Variants in NDUFS1 observed in about 807,000 individuals in gnomAD.
NDUFS1 encodes the protein NADH:ubiquinone oxidoreductase core subunit S1.
NDUFS1 carries 61 observed loss-of-function variants against 84.4 expected under a neutral mutation model. The observed-to-expected ratio is 0.72, with a 90% CI of 0.59 to 0.89. The LOEUF (loss-of-function observed/expected upper bound fraction) is 0.89, where lower values mean the gene tolerates loss of function less well. Among genes scored for constraint, NDUFS1 ranks in the 40% least tolerant of loss-of-function variants. The pLI, the probability that NDUFS1 is intolerant of heterozygous loss-of-function variation, is 0.00. For synonymous variants in NDUFS1, 275 were observed against 290.0 expected, an observed-to-expected ratio of 0.95 and a Z score of 0.53; for missense variants, 891 against 890.0, an observed-to-expected ratio of 1.00 and a Z score of -0.01.
At chr2:206,157,963 CTTTT>C (rs1553509152) in intron 1 of NDUFS1, among the ~76,000 whole-genome samples, 2 of 131,854 alleles carry the variant, frequency 1.5e-5, no homozygotes, top group African/African-American at 5.8e-5. Context: ...ATTTCAATAG[CTTTT>C]TTTTTTTTTT....
At chr2:206,127,995 A>T (rs752033680) in intron 15 of NDUFS1, 23 bp from the exon 16 acceptor site, 2 of 1,612,890 alleles carry the variant, frequency 1.2e-6, no homozygotes, top group Non-Finnish European at 8.5e-7. Context: ...GGAAAATGGT[A>T]AACCAAAATT....
chr2:206,147,888 T>G (rs1363693345), intron 5 of NDUFS1, 54 bp from the exon 6 acceptor site: 1 of 1,479,858 alleles, frequency 6.8e-7, no homozygotes, highest in African/African-American at 1.4e-5. Flanking sequence ...CACACTGACA[T>G]TAACTGCTGG....
chr2:206,158,184 G>A (rs1687748201), intron 1 of NDUFS1, among the ~76,000 whole-genome samples: 1 of 151,898 alleles, frequency 6.6e-6, no homozygotes, highest in African/African-American at 2.4e-5. Context: ...GGATGGTCTC[G>A]ATCTCCTGGC....
chr2:206,120,715 C>T lies in NDUFS1; in HGVS notation c.*3470G>A, dbSNP rs1401232196. 1 of 152,140 alleles carries T rather than the reference C, an allele frequency of 6.6e-6. No homozygotes were observed. Among genetic ancestry groups the T allele is most frequent in the East Asian group, 1.9e-4 (1 of 5,198 alleles). The allele number at this position is 152,140 out of a possible 1,614,324, so 9.4% of individuals were successfully genotyped here. On this transcript the variant is annotated 3_prime_UTR_variant, in exon 19 of 19. Coordinates refer to ENST00000233190, the MANE Select transcript of NDUFS1 (RefSeq NM_005006.7). ...GCAAAGAAATAACTTAAAGTTGGAACATATTTAAAAGGGAAGCAGAGCGTA... is the reference window on the plus strand; with the variant it reads ...GCAAAGAAATAACTTAAAGTTGGAATATATTTAAAAGGGAAGCAGAGCGTA...
chr2:206,132,128 AAAAAT>A (rs1394449124), intron 14 of NDUFS1, among the ~76,000 whole-genome samples: 7 of 152,198 alleles, frequency 4.6e-5, no homozygotes, highest in African/African-American at 1.4e-4. Context: ...CTGGTCTCAA[AAAAAT>A]AAAATAAAAT....
At position 206,114,895 on chromosome 2, in the gene NDUFS1, C is replaced by T. The variant is rs1351766129; in HGVS notation, c.*9290G>A. On this transcript the variant is annotated 3_prime_UTR_variant, in exon 19 of 19. Transcript: ENST00000233190. ...AAGCATATACATATATACACACACA[C>T]ACATTATTGTACACTTAATTTATGT... is the stretch of plus-strand genomic sequence containing the variant. 3 of 152,188 alleles carry T rather than the reference C, an allele frequency of 2.0e-5. No individual in the cohort carries two copies. The East Asian group carries it at 5.8e-4, about 29-fold the overall frequency. The allele number at this position is 152,188 out of a possible 1,614,324, so 9.4% of individuals were successfully genotyped here. A position where few individuals can be genotyped will look rare whatever the true frequency, so the allele number is the denominator to read the frequency against.
rs772920098 is a variant in NDUFS1, at chr2:206,149,880, CATG to C, written c.196_198del (p.His66del). On this transcript the variant is annotated inframe_deletion, in exon 4 of 19. Coordinates refer to ENST00000233190, the MANE Select transcript of NDUFS1 (RefSeq NM_005006.7). Reference sequence around the variant, plus strand: ...CAGTTTCCAGCAACAGACAACCTTTCATGATAACAGAATCGAGGGATCTGCATG... The same window carrying C: ...CAGTTTCCAGCAACAGACAACCTTTCATAACAGAATCGAGGGATCTGCATG... 3 of 1,525,112 alleles carry C rather than the reference CATG, an allele frequency of 2.0e-6. No homozygotes were observed. The highest frequency in any genetic ancestry group is 2.7e-6 in the Non-Finnish European group (3 of 1,129,802). 94.5% of individuals were successfully genotyped at this position (1,525,112 alleles called of 1,614,324 possible).
intron 7 of NDUFS1, 109 bp from the exon 8 acceptor site, chr2:206,147,197 T>C (rs2105974256): frequency 8.7e-7 from 1 of 1,149,172 alleles, no homozygotes; most frequent in South Asian, 1.3e-5. Context: ...GAAATGAGTA[T>C]ATTTTTAAAG....
chr2:206,150,202 T>G (rs1015568849), intron 3 of NDUFS1, among the ~76,000 whole-genome samples: 11 of 152,244 alleles, frequency 7.2e-5, no homozygotes, highest in African/African-American at 2.4e-4. Context: ...TGCTGAAGAC[T>G]TGACTTCCCA....
intron 13 of NDUFS1, 62 bp from the exon 14 acceptor site, chr2:206,133,167 A>G (rs1691582572): frequency 2.2e-6 from 3 of 1,381,108 alleles, no homozygotes; most frequent in East Asian, 2.5e-5. Flanking sequence ...ACACCAAACC[A>G]TATTTGCCTC....
chr2:206,123,992 C>G lies in NDUFS1; in HGVS notation c.*193G>C. 3.5e-6 allele frequency: 2 copies of G among 566,668 alleles called. No individual in the cohort carries two copies. Among genetic ancestry groups the G allele is most frequent in the South Asian group, 2.4e-5 (1 of 41,860 alleles). The allele number at this position is 566,668 out of a possible 1,614,324, so 35.1% of individuals were successfully genotyped here. Reference sequence around the variant, plus strand: ...GCATAGTTTTGTTATTTAACCTTTACACACAATACATGTTTTTCAAACTGC... The same window carrying G: ...GCATAGTTTTGTTATTTAACCTTTAGACACAATACATGTTTTTCAAACTGC... On this transcript the variant is annotated 3_prime_UTR_variant, in exon 19 of 19. Transcript: ENST00000233190.
At chr2:206,152,297 A>G (rs1223647805) in intron 3 of NDUFS1, 122 bp downstream of exon 3, 2 of 751,614 alleles carry the variant, frequency 2.7e-6, no homozygotes, top group Non-Finnish European at 4.5e-6. Flanking sequence ...TAATTTTAAT[A>G]TAACTTTGCT....
intron 7 of NDUFS1, 54 bp downstream of exon 7, chr2:206,147,477 A>C: frequency 6.6e-7 from 1 of 1,507,574 alleles, no homozygotes; most frequent in Non-Finnish European, 9.0e-7. Flanking sequence ...TCAAATTGTG[A>C]CTATTAAGTA....
chr2:206,135,607 G>A (rs1031132653), intron 13 of NDUFS1, among the ~76,000 whole-genome samples: 1 of 151,692 alleles, frequency 6.6e-6, no homozygotes, highest in African/African-American at 2.4e-5. Flanking sequence ...GCAGACTGAG[G>A]TTGCAGTGAG....
At chr2:206,126,417 A>C in intron 18 of NDUFS1, 122 bp downstream of exon 18, 1 of 931,612 alleles carries the variant, frequency 1.1e-6, no homozygotes, top group Non-Finnish European at 1.7e-6. Flanking sequence ...ATGTTTGAAA[A>C]CCTTCAAAGA....
chr2:206,124,321 A>T lies in NDUFS1; in HGVS notation c.2093-45T>A, dbSNP rs1198168605. 2.1e-6 allele frequency: 3 copies of T among 1,443,118 alleles called. No homozygotes were observed. The African/African-American group carries it at 4.2e-5, about 20-fold the overall frequency. 89.4% of individuals were successfully genotyped at this position (1,443,118 alleles called of 1,614,324 possible). A position where few individuals can be genotyped will look rare whatever the true frequency, so the allele number is the denominator to read the frequency against. ...TGTCATTTTGATAATACAACTTTTT[A>T]AAAAGCACATACTAAAACTTTAATG... On this transcript the variant is annotated intron_variant, in intron 18 of 18. Transcript: ENST00000233190.
chr2:206,146,649 C>T (rs1692164025), intron 8 of NDUFS1, among the ~76,000 whole-genome samples: 1 of 152,160 alleles, frequency 6.6e-6, no homozygotes, highest in Admixed American at 6.5e-5. Flanking sequence ...CACTATTAAA[C>T]TCTTTGGAAG....
At chr2:206,147,698 T>C in intron 6 of NDUFS1, 37 bp from the exon 7 acceptor site, 1 of 1,614,058 alleles carries the variant, frequency 6.2e-7, no homozygotes. Flanking sequence ...CTCATGCTGC[T>C]AATAAAATTA....
Position 206,130,125 on chromosome 2 carries a change from T to C in NDUFS1, c.1671A>G (p.Arg557=). The C allele has an allele frequency of 1.2e-6, 2 of 1,614,190 alleles. 1 individual carries two copies. Among genetic ancestry groups the C allele is most frequent in the South Asian group, 2.2e-5 (2 of 91,086 alleles). ...TGAAACAATCCTTTGGCAAATCCTG[T>C]CGTGTGATACAACCTCCATCTGCTC... ...LLGADGGCIT[R]QDLPKDCFII... is the part of the protein sequence containing the mutation. Residue 557 remains arginine, a synonymous_variant, in exon 15 of 19, where the codon CGA becomes CGG. Transcript: ENST00000233190.
Sources: gnomAD v4.1 joint callset for allele counts (sites outside exome capture counted in the v4.1 genomes callset) on GRCh38, gnomAD v4.1.1 for gene constraint, MANE v1.5 for transcripts, NCBI Gene and HGNC (gene_info 2026-07-23, HGNC 2026-07-21) for gene names.